Variants in DPP3 observed in about 807,000 individuals in gnomAD.
DPP3 encodes the protein DPP III.
Under a neutral mutation model 89.8 loss-of-function variants are expected in DPP3, and 64 were observed. The ratio of observed to expected loss-of-function variants is 0.71; its 90% confidence interval spans 0.58 to 0.88. The LOEUF is 0.88. DPP3 is among the 40% of genes least tolerant of loss of function. DPP3 has a pLI of 0.00. For missense variants in DPP3, 835 were observed against 972.5 expected, an observed-to-expected ratio of 0.86 and a Z score of 1.88; for synonymous variants, 377 against 404.3, an observed-to-expected ratio of 0.93 and a Z score of 0.81.
chr11:66,481,731 T>C (rs1855088353), intron 1 of DPP3, among the ~76,000 whole-genome samples: 1 of 151,618 alleles, frequency 6.6e-6, no homozygotes, highest in African/African-American at 2.4e-5. Flanking sequence ...CACTGCAGCC[T>C]CCACCTCCTG....
At chr11:66,504,808 T>A in intron 17 of DPP3, 34 bp downstream of exon 17, 3 of 1,585,722 alleles carry the variant, frequency 1.9e-6, no homozygotes, top group Non-Finnish European at 1.7e-6. Context: ...TTGAGCTCCC[T>A]TGATGAGCAC....
chr11:66,495,747 A>G lies in DPP3; in HGVS notation c.1695A>G (p.Arg565=), dbSNP rs1201098069. 1 of 1,606,438 alleles carries G rather than the reference A, an allele frequency of 6.2e-7. No individual in the cohort carries two copies. The highest frequency in any genetic ancestry group is 1.7e-5 in the Admixed American group (1 of 58,494). Residue 565 remains arginine, a synonymous_variant, in exon 15 of 18, where the codon CGA becomes CGG. Transcript: ENST00000531863. ...EFYTPEAFNW[R]QAHMQARFVI... ...ACACACCTGAGGCCTTCAACTGGCGACAGGTAGGGCCTAGGTGGAGCCCCC... is the reference window on the plus strand; with the variant it reads ...ACACACCTGAGGCCTTCAACTGGCGGCAGGTAGGGCCTAGGTGGAGCCCCC...
At chr11:66,492,983 C>T in intron 10 of DPP3, 73 bp downstream of exon 10, 2 of 1,603,086 alleles carry the variant, frequency 1.2e-6, no homozygotes, top group Non-Finnish European at 8.5e-7. Flanking sequence ...TCCACACACA[C>T]ACCCTCCACA....
Position 66,485,271 on chromosome 11 carries a change from A to G in DPP3, c.360+9A>G. ...TTCCCAACTTGCCCAAGGTGAGCCAAGGGAGGGTTGGGGAAGGTGGGGATG... is the reference window on the plus strand; with the variant it reads ...TTCCCAACTTGCCCAAGGTGAGCCAGGGGAGGGTTGGGGAAGGTGGGGATG... On this transcript the variant is annotated intron_variant, in intron 3 of 17. Transcript: ENST00000531863. The G allele has an allele frequency of 6.3e-7, 1 of 1,583,326 alleles. No individual in the cohort carries two copies. Among genetic ancestry groups the G allele is most frequent in the Non-Finnish European group, 8.6e-7 (1 of 1,158,668 alleles).
At chr11:66,488,731 A>G (rs1471085862) in intron 6 of DPP3, among the ~76,000 whole-genome samples, 1 of 152,062 alleles carries the variant, frequency 6.6e-6, no homozygotes, top group Non-Finnish European at 1.5e-5. Flanking sequence ...GACCTTTGCC[A>G]CCTGGCTCTT....
In DPP3 at chr11:66,486,553, G is replaced by T. The variant is rs767835114; in HGVS notation, c.374G>T (p.Arg125Leu). The T allele has an allele frequency of 1.3e-6, 2 of 1,523,500 alleles. No individual in the cohort carries two copies. Among genetic ancestry groups the T allele is most frequent in the South Asian group, 1.3e-5 (1 of 78,820 alleles). The allele number at this position is 1,523,500 out of a possible 1,614,324, so 94.4% of individuals were successfully genotyped here. A position where few individuals can be genotyped will look rare whatever the true frequency, so the allele number is the denominator to read the frequency against. Residue 125 changes from arginine to leucine, a missense_variant, in exon 4 of 18, where the codon CGG (arginine) becomes CTG (leucine). Arg to Leu is a moderately radical substitution (Grantham distance 102, BLOSUM62 -2). Coordinates refer to ENST00000531863, the MANE Select transcript of DPP3 (RefSeq NM_130443.4). ...CTTTCCTTGCAGGAAAAGCTGGAAC[G>T]GGTGATCCTAGGGAGTGAGGCTGCT... ...VPNLPKEKLE[R>L]VILGSEAAQQ...
At chr11:66,484,228 G>A (rs771602807) in intron 2 of DPP3, among the ~76,000 whole-genome samples, 8 of 152,028 alleles carry the variant, frequency 5.3e-5, no homozygotes, top group African/African-American at 1.2e-4. Context: ...TGCCCGCCTC[G>A]GCCTCCCAGA....
intron 17 of DPP3, among the ~76,000 whole-genome samples, chr11:66,508,490 CCT>C (rs2134759491): frequency 6.6e-6 from 1 of 152,124 alleles, no homozygotes; most frequent in African/African-American, 2.4e-5. Context: ...ATCTGTTTCA[CCT>C]AGTGTGGCAC....
chr11:66,491,385 T>C lies in DPP3; in HGVS notation c.798+2T>C, dbSNP rs773484375. On this transcript the variant is annotated splice_donor_variant, in intron 7 of 17. Transcript: ENST00000531863. LOFTEE classifies it high-confidence loss of function. ...GTGGAGCAGCTGGAGAAAGCCAAGG[T>C]TGGACTGGCTGGGGGCTGAGGGGTG... 2.4e-5 allele frequency: 38 copies of C among 1,613,174 alleles called. No homozygotes were observed. Among genetic ancestry groups the C allele is most frequent in the Non-Finnish European group, 2.9e-5 (34 of 1,179,620 alleles).
In DPP3 at chr11:66,485,163, TC is replaced by T. The variant is rs1018085283; in HGVS notation, c.271-5del. 1.2e-6 allele frequency: 2 copies of T among 1,613,302 alleles called. No individual in the cohort carries two copies. The highest frequency in any genetic ancestry group is 1.3e-5 in the African/African-American group (1 of 74,876). ...GCTTCCTGGGTCTCTGATGCCTGCC[TC>T]CCCCTCAGGCGTTCCTGGTCTATGC... On this transcript the variant is annotated splice_polypyrimidine_tract_variant and intron_variant, in intron 2 of 17. Transcript: ENST00000531863.
rs187673125 is a variant in DPP3 at position 66,490,496 on chromosome 11, C to T, written c.668-757C>T. Among the ~76,000 whole-genome samples the T allele has an allele frequency of 4.2e-3, 640 of 152,304 alleles. 3 individuals are homozygous for T. The highest frequency in any genetic ancestry group is 5.5e-3 in the Non-Finnish European group (374 of 68,012). On this transcript the variant is annotated intron_variant, in intron 6 of 17. Coordinates refer to ENST00000531863, the MANE Select transcript of DPP3 (RefSeq NM_130443.4). ...CTTCACTCCAGCTCCCCTCTGCTAT[C>T]GTCACAGCTCCTCCTCCCAGTCACC...
chr11:66,487,467 A>C, intron 5 of DPP3, 125 bp downstream of exon 5: 1 of 927,018 alleles, frequency 1.1e-6, no homozygotes, highest in East Asian at 2.6e-5. Flanking sequence ...GGAAGGCGCG[A>C]CCCCTGCCCA....
At chr11:66,489,488 G>T (rs560187960) in intron 6 of DPP3, among the ~76,000 whole-genome samples, 1 of 152,208 alleles carries the variant, frequency 6.6e-6, no homozygotes, top group Non-Finnish European at 1.5e-5. Context: ...AGGAACAGGA[G>T]TGGATCTCAC....
chr11:66,485,663 C>T (rs1288443849), intron 3 of DPP3, among the ~76,000 whole-genome samples: 2 of 152,114 alleles, frequency 1.3e-5, no homozygotes, highest in African/African-American at 2.4e-5. Flanking sequence ...GTATAAGAGC[C>T]GGGACTTCAA....
chr11:66,487,935 C>A lies in DPP3; in HGVS notation c.595C>A (p.Arg199=). Residue 199 remains arginine, a synonymous_variant, in exon 6 of 18, where the codon CGG becomes AGG. Transcript: ENST00000531863. ...CTAGAACCTCAGTGCCTACAACACC[C>A]GGCTCTTCAAAGAGGTCGATGGAGA... ...DSQNLSAYNT[R]LFKEVDGEGK... 1 of 1,614,026 alleles carries A rather than the reference C, an allele frequency of 6.2e-7. No individual in the cohort carries two copies. Among genetic ancestry groups the A allele is most frequent in the Non-Finnish European group, 8.5e-7 (1 of 1,179,976 alleles).
chr11:66,493,162 C>T lies in DPP3; in HGVS notation c.1279C>T (p.Leu427=), dbSNP rs750095494. 1.9e-6 allele frequency: 3 copies of T among 1,613,922 alleles called. No individual in the cohort carries two copies. In the South Asian group the frequency reaches 3.3e-5, roughly 18 times the overall value. ...CACGCAGCGGGAGAAGCTTACCTTT[C>T]TGGAGGAGGATGACAAGGTGGGCGC... ...YATQREKLTF[L]EEDDKDLYIL... Residue 427 remains leucine (L), a synonymous_variant, in exon 11 of 18, where the codon CTG becomes TTG. Transcript: ENST00000531863.
chr11:66,488,973 C>G (rs1227748421), intron 6 of DPP3, among the ~76,000 whole-genome samples: 1 of 152,216 alleles, frequency 6.6e-6, no homozygotes, highest in Non-Finnish European at 1.5e-5. Flanking sequence ...TCAAGCAATT[C>G]TCCTGCCTCA....
intron 16 of DPP3, among the ~76,000 whole-genome samples, chr11:66,497,923 A>G (rs886181007): frequency 6.6e-6 from 1 of 151,226 alleles, no homozygotes. Context: ...GACATCTTTT[A>G]TTTATTTATT....
chr11:66,481,690 C>T (rs892064006), intron 1 of DPP3, among the ~76,000 whole-genome samples: 18 of 151,660 alleles, frequency 1.2e-4, no homozygotes, highest in Admixed American at 1.2e-3. Flanking sequence ...CTCTGTTGCC[C>T]AGGCTGGAGT....
Sources: allele counts gnomAD v4.1 joint callset (sites outside exome capture counted in the v4.1 genomes callset), GRCh38; gene constraint gnomAD v4.1.1; transcripts MANE v1.5; gene names NCBI Gene and HGNC (gene_info 2026-07-23, HGNC 2026-07-21).